DPF3: variants seen among roughly 807,000 people sequenced by gnomAD.
DPF3 encodes double PHD fingers 3, also known as zinc finger protein DPF3.
In DPF3, 18 loss-of-function variants were observed where a neutral mutation model predicts 56.8. The observed-to-expected ratio is 0.32, with a 90% CI of 0.22 to 0.47. The LOEUF (loss-of-function observed/expected upper bound fraction) is 0.47. DPF3 is among the 20% of genes least tolerant of loss of function. DPF3 has a pLI of 1.00. For synonymous variants in DPF3, 188 were observed against 180.2 expected (o/e 1.04, Z -0.35); for missense variants, 403 against 488.8 (o/e 0.82, Z 1.65).
intron 7 of DPF3, among the ~76,000 whole-genome samples, chr14:72,679,780 G>A: frequency 6.6e-6 from 1 of 152,250 alleles, no homozygotes; most frequent in Admixed American, 6.5e-5. Flanking sequence ...CGCATCTTCA[G>A]AGGACGACGG....
intron 8 of DPF3, among the ~76,000 whole-genome samples, chr14:72,667,422 T>C (rs1040028211): frequency 6.6e-6 from 1 of 152,232 alleles, no homozygotes; most frequent in African/African-American, 2.4e-5. Context: ...GGTTCCCCTC[T>C]CTTTGGCCTG....
intron 1 of DPF3, among the ~76,000 whole-genome samples, chr14:72,862,533 C>G (rs558331444): frequency 6.6e-6 from 1 of 152,252 alleles, no homozygotes; most frequent in East Asian, 1.9e-4. Context: ...AACTCAGCAG[C>G]CAGAGTGATG....
chr14:72,661,387 A>G (rs566724974), intron 8 of DPF3: 18 of 985,274 alleles, frequency 1.8e-5, no homozygotes, highest in Non-Finnish European at 2.2e-5. Flanking sequence ...GAACCATTTC[A>G]GTAACACTGT....
At chr14:72,701,556 G>T (rs1372400103) in intron 6 of DPF3, among the ~76,000 whole-genome samples, 1 of 152,136 alleles carries the variant, frequency 6.6e-6, no homozygotes. Flanking sequence ...GGGGTCGGGG[G>T]GAGCAGGGAG....
intron 8 of DPF3, among the ~76,000 whole-genome samples, chr14:72,656,082 T>C (rs1317839900): frequency 6.6e-6 from 1 of 152,206 alleles, no homozygotes; most frequent in Non-Finnish European, 1.5e-5. Flanking sequence ...GTGATACACA[T>C]AACAACAGCT....
At chr14:72,687,772 T>C (rs111279378) in intron 7 of DPF3, among the ~76,000 whole-genome samples, 1,539 of 152,240 alleles carry the variant, frequency 0.01, 24 homozygotes, top group African/African-American at 0.035. Context: ...AATGCAGTAG[T>C]CCTAAAGCTT....
intron 1 of DPF3, among the ~76,000 whole-genome samples, chr14:72,839,634 C>T (rs781586423): frequency 6.6e-6 from 1 of 152,210 alleles, no homozygotes. Flanking sequence ...GTAGGACAAC[C>T]GGATGCCCTA....
At chr14:72,869,371 G>A (rs1421557075) in intron 1 of DPF3, among the ~76,000 whole-genome samples, 2 of 152,156 alleles carry the variant, frequency 1.3e-5, no homozygotes, top group African/African-American at 4.8e-5. Flanking sequence ...TGTACCCAGG[G>A]TCACAGTAGC....
chr14:72,740,634 G>T lies in DPF3; in HGVS notation c.302-8700C>A, dbSNP rs115794869. Among the ~76,000 whole-genome samples the T allele has an allele frequency of 4.0e-3, 608 of 152,346 alleles. 5 individuals carry two copies. Among genetic ancestry groups the T allele is most frequent in the African/African-American group, 0.014 (583 of 41,578 alleles). ...TGAAGCCACACCAGGGTGAGTCCAC[G>T]GAGGAATGGCTCTTCAAGAAGAAAG... On this transcript the variant is annotated intron_variant, in intron 3 of 10. Transcript: ENST00000556509.
intron 3 of DPF3, among the ~76,000 whole-genome samples, chr14:72,734,707 C>T (rs746824775): frequency 2.6e-5 from 4 of 152,028 alleles, no homozygotes; most frequent in South Asian, 2.1e-4. Flanking sequence ...ATGCGTCACC[C>T]GAGACCCTGA....
At chr14:72,736,332 C>T (rs1038502883) in intron 3 of DPF3, among the ~76,000 whole-genome samples, 5 of 152,188 alleles carry the variant, frequency 3.3e-5, no homozygotes, top group Non-Finnish European at 5.9e-5. Flanking sequence ...ATTTCAAGAG[C>T]TCCATAGCCA....
chr14:72,616,992 A>T lies in DPF3; in HGVS notation c.*2305T>A, dbSNP rs1884127910. On this transcript the variant is annotated 3_prime_UTR_variant, in exon 11 of 11. Coordinates refer to ENST00000556509, the MANE Select transcript of DPF3 (RefSeq NM_001280542.3). ...TTCTTCAGGGAGTAATGAAGCTGAG[A>T]GGGGAACTCCGGGGCCATCCTAACG... Among the ~76,000 whole-genome samples, 1 of 152,024 alleles carries T rather than the reference A, an allele frequency of 6.6e-6. No homozygotes were observed. The highest frequency in any genetic ancestry group is 2.4e-5 in the African/African-American group (1 of 41,378).
intron 2 of DPF3, among the ~76,000 whole-genome samples, chr14:72,755,884 A>G (rs1348940599): frequency 6.6e-6 from 1 of 152,162 alleles, no homozygotes; most frequent in Non-Finnish European, 1.5e-5. Context: ...TTATAGGAAA[A>G]ACACGTTCAG....
At chr14:72,870,908 CTATTTG>C (rs1283036847) in intron 1 of DPF3, among the ~76,000 whole-genome samples, 1 of 152,216 alleles carries the variant, frequency 6.6e-6, no homozygotes, top group Non-Finnish European at 1.5e-5. Flanking sequence ...AACCCTGTCT[CTATTTG>C]TATTAGTCCA....
At chr14:72,687,767 A>G (rs532082639) in intron 7 of DPF3, among the ~76,000 whole-genome samples, 15 of 152,326 alleles carry the variant, frequency 9.8e-5, no homozygotes, top group Non-Finnish European at 1.8e-4. Flanking sequence ...CCCCTAATGC[A>G]GTAGTCCTAA....
At chr14:72,816,727 T>G (rs1883305762) in intron 1 of DPF3, among the ~76,000 whole-genome samples, 1 of 152,208 alleles carries the variant, frequency 6.6e-6, no homozygotes, top group South Asian at 2.1e-4. Context: ...CTGATTATAC[T>G]CTCAAGAAAT....
In DPF3 at chr14:72,757,515, C is replaced by T. The variant is rs573298790; in HGVS notation, c.194-4144G>A. 5.9e-5 allele frequency among the ~76,000 whole-genome samples: 9 copies of T among 151,976 alleles called. No homozygotes were observed. The South Asian group carries it at 6.3e-4, about 11-fold the overall frequency. On this transcript the variant is annotated intron_variant, in intron 2 of 10. Coordinates refer to ENST00000556509, the MANE Select transcript of DPF3 (RefSeq NM_001280542.3). ...TTTGAAGGGCAGCTAACCAAGAAGC[C>T]GAGGAACTAAAGAGGAATAAGAGTT...
Position 72,885,369 on chromosome 14 carries a change from G to GTTT in DPF3, c.32+8687_32+8688insAAA, listed in dbSNP as rs1886503289. 3.4e-5 allele frequency among the ~76,000 whole-genome samples: 5 copies of GTTT among 149,218 alleles called. No homozygotes were observed. In the East Asian group the frequency reaches 1.0e-3, roughly 30 times the overall value. On this transcript the variant is annotated intron_variant, in intron 1 of 10. Transcript: ENST00000556509. The stretch of plus-strand genomic sequence containing the variant: ...TAGAAATGTAGCCGCTAATTTTTTG[G>GTTT]GTTTGTTTGTTTGTTTGTTTGTTTG...
chr14:72,771,183 CAATAAT>C (rs1286172249), intron 2 of DPF3, among the ~76,000 whole-genome samples: 1 of 151,094 alleles, frequency 6.6e-6, no homozygotes. Context: ...AAAAAAATAA[CAATAAT>C]AATAATAATA....
Sources: gnomAD v4.1 joint callset for allele counts (sites outside exome capture counted in the v4.1 genomes callset) on GRCh38, gnomAD v4.1.1 for gene constraint, MANE v1.5 for transcripts, NCBI Gene and HGNC (gene_info 2026-07-23, HGNC 2026-07-21) for gene names.